Variants in GRB10 observed in about 807,000 individuals in gnomAD.
The protein encoded by GRB10 is growth factor receptor-bound protein 10.
A neutral mutation model predicts 80.9 loss-of-function variants in GRB10; 20 were observed. The ratio of observed to expected loss-of-function variants is 0.25; its 90% CI spans 0.17 to 0.36. The LOEUF is 0.36. GRB10 is among the 10% of genes least tolerant of loss of function. The probability of loss-of-function intolerance (pLI) is 1.00; values close to 1 mark genes in which losing one functional copy is unlikely to be tolerated. For synonymous variants in GRB10, 291 were observed against 291.5 expected (o/e 1.00, Z 0.02); for missense variants, 548 against 747.7 (o/e 0.73, Z 3.12).
chr7:50,652,189 A>AGG (rs1489148664), intron 7 of GRB10, among the ~76,000 whole-genome samples: 8 of 152,162 alleles, frequency 5.3e-5, no homozygotes, highest in African/African-American at 1.7e-4. Context: ...TAAAACAAGA[A>AGG]CTCCATCTAT....
intron 4 of GRB10, among the ~76,000 whole-genome samples, chr7:50,713,697 C>G (rs1259079042): frequency 5.4e-5 from 8 of 148,620 alleles, no homozygotes; most frequent in Non-Finnish European, 1.0e-4. Flanking sequence ...TTGTCACCTC[C>G]ACCTCCTCCA....
At chr7:50,762,108 C>T (rs1392339084) in intron 2 of GRB10, 1 of 151,698 alleles carries the variant, frequency 6.6e-6, no homozygotes, top group Admixed American at 6.6e-5. Flanking sequence ...ACTAATACAC[C>T]GTCACTATTT....
chr7:50,720,625 C>T (rs921599892), intron 4 of GRB10, among the ~76,000 whole-genome samples: 1 of 151,996 alleles, frequency 6.6e-6, no homozygotes, highest in Admixed American at 6.6e-5. Context: ...ATGCATGGTA[C>T]AGGAATATAA....
chr7:50,725,603 T>C (rs1194543624), intron 4 of GRB10, among the ~76,000 whole-genome samples: 1 of 152,210 alleles, frequency 6.6e-6, no homozygotes, highest in Non-Finnish European at 1.5e-5. Flanking sequence ...GATTTCACAG[T>C]AGCTTCTGGG....
chr7:50,675,334 G>A (rs376851505), intron 5 of GRB10, among the ~76,000 whole-genome samples: 1 of 152,186 alleles, frequency 6.6e-6, no homozygotes, highest in African/African-American at 2.4e-5. Flanking sequence ...GAGTAAGTGA[G>A]AGAGAGAGCG....
intron 7 of GRB10, among the ~76,000 whole-genome samples, chr7:50,632,780 C>T (rs2054248927): frequency 6.6e-6 from 1 of 152,144 alleles, no homozygotes; most frequent in Non-Finnish European, 1.5e-5. Flanking sequence ...CCCAGTTGCT[C>T]CTCCTACTGA....
intron 5 of GRB10, among the ~76,000 whole-genome samples, chr7:50,677,541 T>A (rs986973552): frequency 6.6e-6 from 1 of 151,986 alleles, no homozygotes; most frequent in African/African-American, 2.4e-5. Context: ...GCTGCATCCA[T>A]CTTGAGGAAA....
At chr7:50,669,625 C>T (rs1372715947) in intron 7 of GRB10, 97 bp downstream of exon 7, 2 of 1,211,246 alleles carry the variant, frequency 1.7e-6, no homozygotes, top group Non-Finnish European at 2.4e-6. Flanking sequence ...CCAGGACTTC[C>T]CGCCCTTCTT....
At chr7:50,734,116 G>T (rs1216006780) in intron 3 of GRB10, among the ~76,000 whole-genome samples, 1 of 151,916 alleles carries the variant, frequency 6.6e-6, no homozygotes, top group African/African-American at 2.4e-5. Context: ...GGGTTCACTG[G>T]ACAGGCCGTC....
intron 3 of GRB10, among the ~76,000 whole-genome samples, chr7:50,751,626 C>G (rs1477139256): frequency 6.6e-6 from 1 of 152,178 alleles, no homozygotes; most frequent in African/African-American, 2.4e-5. Flanking sequence ...ATTTTCATTA[C>G]CTTGGTTACT....
intron 5 of GRB10, among the ~76,000 whole-genome samples, chr7:50,695,423 T>A (rs963134944): frequency 2.0e-5 from 3 of 152,146 alleles, no homozygotes; most frequent in Non-Finnish European, 4.4e-5. Flanking sequence ...CTATTTTCAT[T>A]TTCCCTCTTG....
At chr7:50,676,312 C>T (rs561719746) in intron 5 of GRB10, among the ~76,000 whole-genome samples, 1 of 135,646 alleles carries the variant, frequency 7.4e-6, no homozygotes, top group Admixed American at 8.0e-5. Flanking sequence ...CTAACATGAG[C>T]TTAGCAATAG....
intron 17 of GRB10, among the ~76,000 whole-genome samples, chr7:50,599,785 G>A (rs1212705718): frequency 6.6e-6 from 1 of 152,194 alleles, no homozygotes; most frequent in Non-Finnish European, 1.5e-5. Flanking sequence ...AACATGGCTG[G>A]GGGAAGCAAA....
chr7:50,784,355 T>C (rs117348795), upstream of GRB10, among the ~76,000 whole-genome samples: 43 of 152,356 alleles, frequency 2.8e-4, no homozygotes, highest in East Asian at 7.9e-3. Flanking sequence ...GAGACTTTTC[T>C]GCGGTCTGAC....
At chr7:50,695,823 T>C (rs575149763) in intron 5 of GRB10, among the ~76,000 whole-genome samples, 6 of 152,232 alleles carry the variant, frequency 3.9e-5, no homozygotes, top group Middle Eastern at 3.4e-3. Flanking sequence ...TTATGAAAAA[T>C]TGTTACATTT....
At chr7:50,763,547 C>T (rs896509190) in intron 2 of GRB10, among the ~76,000 whole-genome samples, 5 of 152,172 alleles carry the variant, frequency 3.3e-5, no homozygotes, top group African/African-American at 4.8e-5. Context: ...CATACACACG[C>T]GTGCATACAC....
At chr7:50,712,863 G>A (rs1051569194) in intron 4 of GRB10, among the ~76,000 whole-genome samples, 2 of 152,178 alleles carry the variant, frequency 1.3e-5, no homozygotes, top group African/African-American at 2.4e-5. Context: ...TTCATCTGTT[G>A]GAAGTGTACA....
chr7:50,606,519 G>T, intron 13 of GRB10, 105 bp from the exon 14 acceptor site: 1 of 806,928 alleles, frequency 1.2e-6, no homozygotes, highest in Non-Finnish European at 2.2e-6. Flanking sequence ...GGAACAGGGA[G>T]TGATGCCCTG....
At chr7:50,774,387 T>C (rs1283449939) in intron 2 of GRB10, among the ~76,000 whole-genome samples, 1 of 152,230 alleles carries the variant, frequency 6.6e-6, no homozygotes, top group East Asian at 1.9e-4. Flanking sequence ...ACTGGATAAC[T>C]TATAAAGAAC....
Sources: allele counts gnomAD v4.1 joint callset (sites outside exome capture counted in the v4.1 genomes callset), GRCh38; gene constraint gnomAD v4.1.1; transcripts MANE v1.5; gene names NCBI Gene and HGNC (gene_info 2026-07-23, HGNC 2026-07-21).